Variants in C9 observed in about 807,000 individuals in gnomAD.
The protein encoded by C9 is complement C9.
In C9, 63 loss-of-function variants were observed where a neutral mutation model predicts 65.4. The ratio of observed to expected loss-of-function variants is 0.96; its 90% confidence interval spans 0.79 to 1.19. The LOEUF (loss-of-function observed/expected upper bound fraction) is 1.19. C9 is among the 50% of genes most tolerant of loss of function. C9 has a pLI of 0.00. For missense variants in C9, 744 were observed against 670.1 expected (o/e 1.11, Z -1.22); for synonymous variants, 229 against 227.9 (o/e 1.00, Z -0.04).
At chr5:39,350,329 G>A (rs1285292384) in intron 1 of C9, among the ~76,000 whole-genome samples, 1 of 152,294 alleles carries the variant, frequency 6.6e-6, no homozygotes, top group East Asian at 1.9e-4. Context: ...TGGGAGATGA[G>A]TGGGGACACA....
chr5:39,323,450 T>C (rs566822582), intron 5 of C9, among the ~76,000 whole-genome samples: 6 of 150,032 alleles, frequency 4.0e-5, no homozygotes, highest in Non-Finnish European at 7.4e-5. Flanking sequence ...TTCAGAAATA[T>C]ATTAAAATGA....
At position 39,317,664 on chromosome 5, in the gene C9, C is replaced by T. The variant is rs1198913688; in HGVS notation, c.616-1635G>A. Among the ~76,000 whole-genome samples the T allele has an allele frequency of 2.6e-5, 4 of 152,016 alleles. No individual in the cohort carries two copies. In the East Asian group the frequency reaches 7.7e-4, roughly 29 times the overall value. On this transcript the variant is annotated intron_variant, in intron 5 of 10. Transcript: ENST00000263408. Reference sequence around the variant, plus strand: ...GATTAGATGGTTGTAGGTGTGCAGTCTTATTTCTGAGTTCTCTATTGTGTT... The same window carrying T: ...GATTAGATGGTTGTAGGTGTGCAGTTTTATTTCTGAGTTCTCTATTGTGTT...
At chr5:39,344,526 A>G (rs1342881262) in intron 1 of C9, among the ~76,000 whole-genome samples, 2 of 152,240 alleles carry the variant, frequency 1.3e-5, no homozygotes, top group African/African-American at 4.8e-5. Flanking sequence ...ACTATGTGAA[A>G]AGATCAAATC....
chr5:39,362,960 G>A (rs544504881), intron 1 of C9, among the ~76,000 whole-genome samples: 80 of 152,218 alleles, frequency 5.3e-4, no homozygotes, highest in Non-Finnish European at 8.7e-4. Context: ...GGGCTTTCCG[G>A]TCCTCCCTGA....
At chr5:39,323,410 A>G (rs1753695833) in intron 5 of C9, among the ~76,000 whole-genome samples, 1 of 151,798 alleles carries the variant, frequency 6.6e-6, no homozygotes, top group South Asian at 2.1e-4. Context: ...ATATGTATAT[A>G]TATCTTCAAT....
chr5:39,316,502 C>T (rs924246563), intron 5 of C9, among the ~76,000 whole-genome samples: 1 of 152,132 alleles, frequency 6.6e-6, no homozygotes, highest in Admixed American at 6.5e-5. Context: ...TGCTCTGTCA[C>T]CCCTACCCCC....
chr5:39,340,865 G>A (rs889450857), intron 4 of C9, among the ~76,000 whole-genome samples: 3 of 152,130 alleles, frequency 2.0e-5, no homozygotes, highest in Non-Finnish European at 2.9e-5. Flanking sequence ...TCCTAAATGA[G>A]AGATTTCATC....
At chr5:39,335,938 T>A (rs1753955983) in intron 4 of C9, among the ~76,000 whole-genome samples, 1 of 151,924 alleles carries the variant, frequency 6.6e-6, no homozygotes, top group Non-Finnish European at 1.5e-5. Flanking sequence ...TCAGATACTC[T>A]GTTTGTCTCC....
chr5:39,300,443 A>C (rs576448134), intron 9 of C9, among the ~76,000 whole-genome samples: 1 of 152,140 alleles, frequency 6.6e-6, no homozygotes, highest in African/African-American at 2.4e-5. Flanking sequence ...AGAAGCAAAA[A>C]GAAAAGAAAA....
intron 9 of C9, among the ~76,000 whole-genome samples, chr5:39,290,242 G>A (rs1753063642): frequency 6.6e-6 from 1 of 151,734 alleles, no homozygotes; most frequent in African/African-American, 2.4e-5. Context: ...GATGATCATA[G>A]AAAAAAATTA....
chr5:39,354,930 T>C (rs1008805373), intron 1 of C9, among the ~76,000 whole-genome samples: 5 of 152,188 alleles, frequency 3.3e-5, no homozygotes, highest in African/African-American at 1.2e-4. Flanking sequence ...CATTGGAACA[T>C]CATTGGTTTC....
chr5:39,315,077 A>G (rs700203), intron 6 of C9, among the ~76,000 whole-genome samples: 2,791 of 152,290 alleles, frequency 0.018, 96 homozygotes, highest in African/African-American at 0.064. Context: ...GAGGTAATGT[A>G]CAGACCCATA....
intron 1 of C9, among the ~76,000 whole-genome samples, chr5:39,348,526 TGC>T: frequency 6.6e-6 from 1 of 152,116 alleles, no homozygotes; most frequent in African/African-American, 2.4e-5. Flanking sequence ...AAACAACTGG[TGC>T]TGGAGAGGAT....
chr5:39,311,431 A>G, intron 6 of C9, 54 bp from the exon 7 acceptor site: 4 of 1,582,436 alleles, frequency 2.5e-6, no homozygotes, highest in South Asian at 2.2e-5. Context: ...CACCATTTCA[A>G]ATGAAAATTT....
chr5:39,330,193 T>C (rs1051055907), intron 5 of C9, among the ~76,000 whole-genome samples: 1 of 152,232 alleles, frequency 6.6e-6, no homozygotes, highest in Non-Finnish European at 1.5e-5. Context: ...GAACATAGAT[T>C]AGTTTTGCTA....
At chr5:39,357,682 A>G (rs1333379072) in intron 1 of C9, among the ~76,000 whole-genome samples, 1 of 152,160 alleles carries the variant, frequency 6.6e-6, no homozygotes, top group African/African-American at 2.4e-5. Context: ...GTTGGGAGGG[A>G]GGGCAGTGAA....
At chr5:39,334,420 C>CG (rs1753915645) in intron 4 of C9, among the ~76,000 whole-genome samples, 2 of 148,880 alleles carry the variant, frequency 1.3e-5, no homozygotes, top group Admixed American at 1.3e-4. Flanking sequence ...GCCCGGCAGC[C>CG]GCCCCGTCTG....
chr5:39,306,608 G>T lies in C9; in HGVS notation c.1416+9C>A, dbSNP rs780641584. The T allele has an allele frequency of 1.2e-5, 19 of 1,605,020 alleles. No homozygotes were observed. The highest frequency in any genetic ancestry group is 1.6e-5 in the Non-Finnish European group (19 of 1,171,890). ...CAGTCTTCTGTTTGAAAATAAACAC[G>T]TTTCTTACTTTTTGACTAATGAGAA... On this transcript the variant is annotated intron_variant, in intron 9 of 10. Transcript: ENST00000263408.
Position 39,331,718 on chromosome 5 carries a change from T to C in C9, c.573A>G (p.Thr191=), listed in dbSNP as rs1272228900. 2 of 1,613,842 alleles carry C rather than the reference T, an allele frequency of 1.2e-6. No individual in the cohort carries two copies. The highest frequency in any genetic ancestry group is 1.7e-6 in the Non-Finnish European group (2 of 1,179,796). ...CNRDRDGNTL[T]YYRRPWNVAS... ...CCACGTTCCAAGGTCTTCGGTAGTATGTCAGAGTGTTTCCATCCCGATCCC... is the reference window on the plus strand; with the variant it reads ...CCACGTTCCAAGGTCTTCGGTAGTACGTCAGAGTGTTTCCATCCCGATCCC... The change falls in exon 5 of 11, where the codon ACA becomes ACG. Residue 191 remains threonine (T), a synonymous_variant. Transcript: ENST00000263408.
Sources: gnomAD v4.1 joint callset for allele counts (sites outside exome capture counted in the v4.1 genomes callset) on GRCh38, gnomAD v4.1.1 for gene constraint, MANE v1.5 for transcripts, NCBI Gene and HGNC (gene_info 2026-07-23, HGNC 2026-07-21) for gene names.